Variants in PID1 observed in about 807,000 individuals in gnomAD.
PID1 encodes phosphotyrosine interaction domain containing 1, also known as PTB-containing, cubilin and LRP1-interacting protein.
A neutral mutation model predicts 19.1 loss-of-function variants in PID1; 10 were observed. The observed-to-expected ratio is 0.52, with a 90% confidence interval of 0.32 to 0.89. The LOEUF (loss-of-function observed/expected upper bound fraction) is 0.89, where lower values mean the gene tolerates loss of function less well. Ranked by LOEUF, PID1 falls within the 40% of genes least tolerant of loss-of-function variation. The probability of loss-of-function intolerance (pLI) is 0.03; values close to 1 mark genes in which losing one functional copy is unlikely to be tolerated. For missense variants in PID1, 248 were observed against 285.3 expected, an observed-to-expected ratio of 0.87 and a Z score of 0.94; for synonymous variants, 130 against 116.0, an observed-to-expected ratio of 1.12 and a Z score of -0.78.
intron 2 of PID1, among the ~76,000 whole-genome samples, chr2:229,138,991 G>GAAAGAAAGAAAGAA (rs1422792347): frequency 4.4e-4 from 32 of 72,754 alleles, no homozygotes; most frequent in Admixed American, 9.0e-4. Context: ...AAGAAAGAAA[G>GAAAGAAAGAAAGAA]AAAGAAAGAA....
chr2:229,065,612 A>T (rs1694307590), intron 2 of PID1, among the ~76,000 whole-genome samples: 1 of 147,724 alleles, frequency 6.8e-6, no homozygotes, highest in South Asian at 2.2e-4. Context: ...ACCATAAGGG[A>T]GCTTGTTCAA....
intron 2 of PID1, among the ~76,000 whole-genome samples, chr2:229,139,259 TAAAAG>T (rs908000910): frequency 6.6e-6 from 1 of 152,018 alleles, no homozygotes; most frequent in Non-Finnish European, 1.5e-5. Flanking sequence ...TAGCTACACT[TAAAAG>T]AAAGAAAAAG....
chr2:229,143,357 T>C (rs975228618), intron 2 of PID1, among the ~76,000 whole-genome samples: 1 of 151,972 alleles, frequency 6.6e-6, no homozygotes, highest in Non-Finnish European at 1.5e-5. Context: ...AATAATAAAA[T>C]TTTTTAAAAA....
At chr2:229,214,266 C>A (rs1040782135) in intron 1 of PID1, among the ~76,000 whole-genome samples, 1 of 115,532 alleles carries the variant, frequency 8.7e-6, no homozygotes, top group Non-Finnish European at 2.0e-5. Context: ...AAGATCTAAA[C>A]TCAAGTCATC....
At chr2:229,137,601 A>T (rs975369442) in intron 2 of PID1, among the ~76,000 whole-genome samples, 4 of 152,000 alleles carry the variant, frequency 2.6e-5, no homozygotes, top group Admixed American at 6.6e-5. Context: ...CAGGTAATGC[A>T]CTGTAAAGTA....
chr2:229,087,003 C>T (rs2014401), intron 2 of PID1, among the ~76,000 whole-genome samples: 34,352 of 151,796 alleles, frequency 0.23, 5,733 homozygotes, highest in African/African-American at 0.46. Context: ...ATGAATACTA[C>T]GTTTTAGCTT....
intron 1 of PID1, among the ~76,000 whole-genome samples, chr2:229,168,482 A>T (rs1390005670): frequency 1.3e-5 from 2 of 151,950 alleles, no homozygotes; most frequent in African/African-American, 4.8e-5. Context: ...CATCCCTTTT[A>T]CTTTGTTGTC....
chr2:229,204,795 G>A (rs537676166), intron 1 of PID1, among the ~76,000 whole-genome samples: 2 of 152,072 alleles, frequency 1.3e-5, no homozygotes, highest in African/African-American at 4.8e-5. Context: ...GGTGGTACGG[G>A]TGGTCTTCAG....
At chr2:229,256,931 T>C (rs1481059484) in intron 1 of PID1, among the ~76,000 whole-genome samples, 2 of 152,164 alleles carry the variant, frequency 1.3e-5, no homozygotes, top group Admixed American at 1.3e-4. Context: ...AAATAACTCC[T>C]AATAAGTGAA....
intron 1 of PID1, among the ~76,000 whole-genome samples, chr2:229,186,336 G>A (rs1433767472): frequency 1.3e-5 from 2 of 152,198 alleles, no homozygotes; most frequent in Non-Finnish European, 2.9e-5. Context: ...TCTGGAGGAT[G>A]GTGGCCCTCT....
intron 2 of PID1, among the ~76,000 whole-genome samples, chr2:229,071,357 G>T (rs1225854516): frequency 6.6e-6 from 1 of 152,184 alleles, no homozygotes; most frequent in Admixed American, 6.5e-5. Context: ...CTTTGTCCAG[G>T]TGTTGTTGTT....
chr2:229,063,816 G>T (rs916678221), intron 2 of PID1, among the ~76,000 whole-genome samples: 59 of 151,840 alleles, frequency 3.9e-4, no homozygotes, highest in African/African-American at 1.3e-3. Flanking sequence ...TTGATGTTAG[G>T]TGCATATATA....
At chr2:229,038,277 C>A (rs1693702947) in intron 2 of PID1, among the ~76,000 whole-genome samples, 2 of 152,140 alleles carry the variant, frequency 1.3e-5, no homozygotes, top group Non-Finnish European at 2.9e-5. Flanking sequence ...CAAAAACTAG[C>A]AGTCCAGATG....
chr2:229,114,310 G>A (rs1290383888), intron 2 of PID1, among the ~76,000 whole-genome samples: 2 of 151,936 alleles, frequency 1.3e-5, no homozygotes, highest in Non-Finnish European at 2.9e-5. Flanking sequence ...GGATACTTCT[G>A]TTCTATTTAA....
At chr2:229,083,445 G>C (rs186006652) in intron 2 of PID1, among the ~76,000 whole-genome samples, 77 of 152,208 alleles carry the variant, frequency 5.1e-4, no homozygotes, top group African/African-American at 1.8e-3. Flanking sequence ...ATTAGACAGG[G>C]AAAAGGAGCC....
chr2:229,066,838 G>T (rs190748517), intron 2 of PID1, among the ~76,000 whole-genome samples: 2 of 151,998 alleles, frequency 1.3e-5, no homozygotes, highest in East Asian at 1.9e-4. Flanking sequence ...AGTGTGATTT[G>T]GCCGATCCAC....
rs1446220625 is a variant in PID1 at position 229,185,156 on chromosome 2, C to G, written c.31-29192G>C. 4.6e-5 allele frequency among the ~76,000 whole-genome samples: 7 copies of G among 150,574 alleles called. No homozygotes were observed. In the East Asian group the frequency reaches 1.4e-3, roughly 30 times the overall value. Reference sequence around the variant, plus strand: ...ATTGGTTCTGTTTTCCCAGAGAACCCTAATACAGCCTCCCAGTTTGTGATA... The same window carrying G: ...ATTGGTTCTGTTTTCCCAGAGAACCGTAATACAGCCTCCCAGTTTGTGATA... On this transcript the variant is annotated intron_variant, in intron 1 of 2. Coordinates refer to ENST00000392055, the MANE Select transcript of PID1 (RefSeq NM_001100818.2).
At chr2:229,060,599 C>T (rs1233608029) in intron 2 of PID1, among the ~76,000 whole-genome samples, 2 of 152,024 alleles carry the variant, frequency 1.3e-5, no homozygotes, top group Admixed American at 6.6e-5. Flanking sequence ...AGATCTCTTT[C>T]GCACCTTGAT....
intron 1 of PID1, among the ~76,000 whole-genome samples, chr2:229,187,881 C>T (rs1233220572): frequency 1.3e-5 from 2 of 152,118 alleles, no homozygotes; most frequent in African/African-American, 4.8e-5. Flanking sequence ...CCCTTTTGCC[C>T]CTCTCTCATA....
Sources: gnomAD v4.1 joint callset for allele counts (sites outside exome capture counted in the v4.1 genomes callset) on GRCh38, gnomAD v4.1.1 for gene constraint, MANE v1.5 for transcripts, NCBI Gene and HGNC (gene_info 2026-07-23, HGNC 2026-07-21) for gene names.